EYA4: variants seen among roughly 807,000 people sequenced by gnomAD.
The protein encoded by EYA4 is protein phosphatase EYA4.
A neutral mutation model predicts 87.9 loss-of-function variants in EYA4; 31 were observed. The ratio of observed to expected loss-of-function variants is 0.35; its 90% confidence interval spans 0.27 to 0.48. The LOEUF is 0.48. Ranked by LOEUF, EYA4 falls within the 20% of genes least tolerant of loss-of-function variation. The pLI is 0.99. For missense variants in EYA4, 678 were observed against 761.4 expected, an observed-to-expected ratio of 0.89 and a Z score of 1.29; for synonymous variants, 263 against 270.6, an observed-to-expected ratio of 0.97 and a Z score of 0.28.
In EYA4 at chr6:133,379,802, C is replaced by T. The variant is rs560710764; in HGVS notation, c.34-2590C>T. On this transcript the variant is annotated intron_variant, in intron 2 of 19. Coordinates refer to ENST00000355286, the MANE Select transcript of EYA4 (RefSeq NM_004100.5). ...TCTGCCTTCATGGAACTTCTACTAT[C>T]CGTTTTGTTGCATTAGGCTTTTCCC... is the stretch of plus-strand genomic sequence containing the variant. Among the ~76,000 whole-genome samples the T allele has an allele frequency of 2.0e-3, 310 of 152,244 alleles. 3 individuals are homozygous for T. Among genetic ancestry groups the T allele is most frequent in the African/African-American group, 6.8e-3 (281 of 41,530 alleles).
intron 3 of EYA4, among the ~76,000 whole-genome samples, chr6:133,433,595 C>T (rs867643927): frequency 1.3e-5 from 2 of 152,166 alleles, no homozygotes; most frequent in Non-Finnish European, 2.9e-5. Context: ...ACCTCATGAT[C>T]CACCCACCTT....
chr6:133,351,480 G>T (rs550824429), intron 2 of EYA4, among the ~76,000 whole-genome samples: 32 of 152,104 alleles, frequency 2.1e-4, no homozygotes, highest in Non-Finnish European at 3.2e-4. Flanking sequence ...CCAGTACCCT[G>T]CCCTGCAGAC....
At chr6:133,382,665 C>G (rs1005922035) in intron 3 of EYA4, among the ~76,000 whole-genome samples, 2 of 151,882 alleles carry the variant, frequency 1.3e-5, no homozygotes, top group Admixed American at 6.6e-5. Flanking sequence ...GTGGAAGTAT[C>G]TCTAGAAATA....
chr6:133,415,139 G>A (rs929423488), intron 3 of EYA4, among the ~76,000 whole-genome samples: 19 of 152,122 alleles, frequency 1.2e-4, no homozygotes, highest in African/African-American at 4.6e-4. Context: ...TATCAAACCT[G>A]CCTCCTTTCT....
intron 2 of EYA4, among the ~76,000 whole-genome samples, chr6:133,351,206 C>T (rs1356367998): frequency 6.6e-6 from 1 of 152,110 alleles, no homozygotes; most frequent in Non-Finnish European, 1.5e-5. Context: ...TTTTGTCTTA[C>T]CATTAAGGTG....
intron 18 of EYA4, among the ~76,000 whole-genome samples, chr6:133,524,288 C>T (rs569267325): frequency 6.6e-6 from 1 of 152,108 alleles, no homozygotes; most frequent in Non-Finnish European, 1.5e-5. Context: ...TCCTTATATT[C>T]TTTAATCTGA....
rs1801036812 is a variant in EYA4 at position 133,532,013 on chromosome 6, G to T, written c.*3208G>T. The T allele has an allele frequency of 6.6e-6, 1 of 152,038 alleles. No individual in the cohort carries two copies. Among genetic ancestry groups the T allele is most frequent in the Non-Finnish European group, 1.5e-5 (1 of 68,010 alleles). The allele number at this position is 152,038 out of a possible 1,614,324, so 9.4% of individuals were successfully genotyped here. A position where few individuals can be genotyped will look rare whatever the true frequency, so the allele number is the denominator to read the frequency against. On this transcript the variant is annotated 3_prime_UTR_variant, in exon 20 of 20. Transcript: ENST00000355286. ...TATTAGTAAAGTATAGATTATTGGGGCCTACATAATTTAAAAGAAATGTAA... is the reference window on the plus strand; with the variant it reads ...TATTAGTAAAGTATAGATTATTGGGTCCTACATAATTTAAAAGAAATGTAA...
chr6:133,299,445 G>A (rs9483572), intron 2 of EYA4, among the ~76,000 whole-genome samples: 5,685 of 151,966 alleles, frequency 0.037, 313 homozygotes, highest in African/African-American at 0.11. Context: ...CTTAAAATCG[G>A]CTGGGCCTGT....
intron 2 of EYA4, among the ~76,000 whole-genome samples, chr6:133,316,552 ACTT>A (rs1280322343): frequency 6.6e-6 from 1 of 152,182 alleles, no homozygotes; most frequent in Non-Finnish European, 1.5e-5. Flanking sequence ...ATTGAAATTG[ACTT>A]CAACCTACCA....
chr6:133,310,163 C>A (rs1489297406), intron 2 of EYA4, among the ~76,000 whole-genome samples: 1 of 152,070 alleles, frequency 6.6e-6, no homozygotes, highest in African/African-American at 2.4e-5. Flanking sequence ...ATAATTCCTG[C>A]CATATAGGAT....
intron 3 of EYA4, among the ~76,000 whole-genome samples, chr6:133,386,223 TG>T (rs1366997538): frequency 2.6e-5 from 4 of 152,162 alleles, no homozygotes; most frequent in African/African-American, 9.7e-5. Flanking sequence ...TTTGCATTGA[TG>T]TTTTTTTCTG....
chr6:133,391,501 C>T (rs1043421597), intron 3 of EYA4, among the ~76,000 whole-genome samples: 4 of 152,262 alleles, frequency 2.6e-5, no homozygotes, highest in East Asian at 3.9e-4. Context: ...TTTGCTTCAC[C>T]GTTCTGTGTC....
rs759073301 is a variant in EYA4, at chr6:133,461,124, T to C, written c.381T>C (p.Ser127=). The change falls in exon 7 of 20, where the codon AGT becomes AGC. Residue 127 remains serine, a synonymous_variant. Transcript: ENST00000355286. ...TTTTGTGTCTTACAGTAATTACAAG[T>C]AGTGGCTACAGCCCCAGATCAGCAC... ...LDTFTGSVIT[S]SGYSPRSAHQ... The C allele has an allele frequency of 1.1e-5, 18 of 1,612,086 alleles. No homozygotes were observed. The highest frequency in any genetic ancestry group is 1.3e-5 in the African/African-American group (1 of 74,870).
intron 13 of EYA4, among the ~76,000 whole-genome samples, chr6:133,504,314 C>T (rs1209146249): frequency 6.6e-6 from 1 of 152,186 alleles, no homozygotes; most frequent in African/African-American, 2.4e-5. Context: ...ATGGTTCTGT[C>T]ACTGGAAGAC....
chr6:133,294,061 A>G (rs1250383836), intron 2 of EYA4, among the ~76,000 whole-genome samples: 1 of 99,794 alleles, frequency 1.0e-5, no homozygotes, highest in Non-Finnish European at 2.1e-5. Context: ...ATATATATAT[A>G]TAATTCTATT....
At chr6:133,411,121 C>A (rs1392672707) in intron 3 of EYA4, among the ~76,000 whole-genome samples, 1 of 152,114 alleles carries the variant, frequency 6.6e-6, no homozygotes, top group African/African-American at 2.4e-5. Flanking sequence ...TTTAACACTA[C>A]ATGATGTTTT....
At chr6:133,462,070 G>A (rs1794439204) in intron 7 of EYA4, 2 of 470,100 alleles carry the variant, frequency 4.3e-6, no homozygotes, top group Non-Finnish European at 7.8e-6. Context: ...AGAGACACAG[G>A]TGTAAAATCT....
intron 19 of EYA4, among the ~76,000 whole-genome samples, chr6:133,528,438 C>T (rs1265489023): frequency 1.3e-5 from 2 of 152,170 alleles, no homozygotes; most frequent in African/African-American, 2.4e-5. Context: ...ATGTTGGTAG[C>T]GATACTTCCA....
chr6:133,304,239 T>TC (rs1488243844), intron 2 of EYA4, among the ~76,000 whole-genome samples: 1 of 152,158 alleles, frequency 6.6e-6, no homozygotes, highest in Non-Finnish European at 1.5e-5. Flanking sequence ...GGATACATAC[T>TC]CAATTACTTA....
Sources: gnomAD v4.1 joint callset for allele counts (sites outside exome capture counted in the v4.1 genomes callset) on GRCh38, gnomAD v4.1.1 for gene constraint, MANE v1.5 for transcripts, NCBI Gene and HGNC (gene_info 2026-07-23, HGNC 2026-07-21) for gene names.